ROCK2: variants seen among roughly 807,000 people sequenced by gnomAD.
ROCK2 encodes rho-associated protein kinase 2.
ROCK2 carries 61 observed loss-of-function variants against 195.1 expected under a neutral mutation model. The observed-to-expected ratio is 0.31, with a 90% CI of 0.25 to 0.39. The LOEUF is 0.39. ROCK2 is among the 10% of genes least tolerant of loss of function. ROCK2 has a pLI of 1.00. For missense variants in ROCK2, 1,109 were observed against 1,637.4 expected (o/e 0.68, Z 5.57); for synonymous variants, 504 against 545.5 (o/e 0.92, Z 1.06).
Position 11,341,209 on chromosome 2 carries a change from G to A in ROCK2, c.141+2787C>T, listed in dbSNP as rs1381839525. Among the ~76,000 whole-genome samples the A allele has an allele frequency of 2.0e-5, 3 of 152,154 alleles. 1 individual carries two copies. Among genetic ancestry groups the A allele is most frequent in the African/African-American group, 7.2e-5 (3 of 41,450 alleles). On this transcript the variant is annotated intron_variant, in intron 1 of 32. Coordinates refer to ENST00000315872, the MANE Select transcript of ROCK2 (RefSeq NM_004850.5). ...GACCCACATAAAGCCATGAGCCTTT[G>A]CAGAGAAACAAGATGTCATCTTTAC...
chr2:11,229,700 AT>A, intron 5 of ROCK2, among the ~76,000 whole-genome samples: 1 of 152,162 alleles, frequency 6.6e-6, no homozygotes, highest in South Asian at 2.1e-4. Context: ...AAGAAACAAA[AT>A]AAACTAAGTA....
In ROCK2 at chr2:11,208,305, T is replaced by C; in HGVS notation, c.2346A>G (p.Lys782=). 1.4e-6 allele frequency: 2 copies of C among 1,454,450 alleles called. No individual in the cohort carries two copies. Among genetic ancestry groups the C allele is most frequent in the East Asian group, 4.9e-5 (2 of 41,080 alleles). The allele number at this position is 1,454,450 out of a possible 1,614,324, so 90.1% of individuals were successfully genotyped here. ...QQKINELLKQ[K]DVLNEDVRNL... ...TACTTACATCCTCATTTAGCACATC[T>C]TTCTGTTTAAGGAGCTCATTTATTT... is the stretch of plus-strand genomic sequence containing the variant. Residue 782 remains lysine, a synonymous_variant, in exon 19 of 33, where the codon AAA becomes AAG. Coordinates refer to ENST00000315872, the MANE Select transcript of ROCK2 (RefSeq NM_004850.5).
At position 11,216,143 on chromosome 2, in the gene ROCK2, G is replaced by T; in HGVS notation, c.1461+15C>A. 1 of 1,606,682 alleles carries T rather than the reference G, an allele frequency of 6.2e-7. No individual in the cohort carries two copies. The highest frequency in any genetic ancestry group is 8.5e-7 in the Non-Finnish European group (1 of 1,173,506). The stretch of plus-strand genomic sequence containing the variant: ...TACTAACAAAAATGTTAATAAAAAA[G>T]TGGGGCAACTTTACCTCCTCTTCTA... On this transcript the variant is annotated intron_variant, in intron 13 of 32. Coordinates refer to ENST00000315872, the MANE Select transcript of ROCK2 (RefSeq NM_004850.5).
chr2:11,294,009 T>C (rs978723784), intron 1 of ROCK2, among the ~76,000 whole-genome samples: 2 of 151,910 alleles, frequency 1.3e-5, no homozygotes, highest in Admixed American at 1.3e-4. Context: ...TACAAAAAAT[T>C]AGCCAGGCAT....
intron 6 of ROCK2, among the ~76,000 whole-genome samples, chr2:11,225,235 AC>A: frequency 6.6e-6 from 1 of 152,238 alleles, no homozygotes; most frequent in African/African-American, 2.4e-5. Context: ...TGTTGAAGGC[AC>A]CATTTTGGCC....
At chr2:11,331,068 AAAT>A (rs1319004709) in intron 1 of ROCK2, among the ~76,000 whole-genome samples, 140 of 150,316 alleles carry the variant, frequency 9.3e-4, no homozygotes, top group African/African-American at 2.9e-3. Context: ...GAAGAAGAAG[AAAT>A]AATATTTTCT....
At chr2:11,327,135 C>T (rs1668573799) in intron 1 of ROCK2, among the ~76,000 whole-genome samples, 1 of 152,006 alleles carries the variant, frequency 6.6e-6, no homozygotes, top group African/African-American at 2.4e-5. Context: ...ACAAACTGAT[C>T]CAGAACTTAG....
chr2:11,218,903 G>T, intron 10 of ROCK2, 63 bp downstream of exon 10: 1 of 931,586 alleles, frequency 1.1e-6, no homozygotes, highest in Non-Finnish European at 1.6e-6. Flanking sequence ...TAAAAACATG[G>T]GGATTACTAA....
chr2:11,259,006 C>T (rs754721771), intron 3 of ROCK2, among the ~76,000 whole-genome samples: 17 of 151,158 alleles, frequency 1.1e-4, no homozygotes, highest in Admixed American at 3.3e-4. Context: ...TATGAGGGGA[C>T]TGCATGTGCC....
intron 1 of ROCK2, among the ~76,000 whole-genome samples, chr2:11,317,589 TA>T (rs1668243068): frequency 7.5e-5 from 1 of 13,302 alleles, no homozygotes; most frequent in African/African-American, 2.4e-4. Context: ...TATATATATA[TA>T]TATATATATA....
intron 1 of ROCK2, among the ~76,000 whole-genome samples, chr2:11,304,669 C>CT (rs1667800311): frequency 6.6e-6 from 1 of 152,206 alleles, no homozygotes; most frequent in African/African-American, 2.4e-5. Flanking sequence ...AATTCCCAGC[C>CT]TTTGAGTCTA....
At chr2:11,291,897 C>T (rs1667373669) in intron 1 of ROCK2, among the ~76,000 whole-genome samples, 1 of 152,078 alleles carries the variant, frequency 6.6e-6, no homozygotes, top group Admixed American at 6.6e-5. Context: ...AAAGGAACAA[C>T]CATTTTTTTG....
At chr2:11,193,923 T>C in intron 29 of ROCK2, 66 bp from the exon 30 acceptor site, 1 of 842,914 alleles carries the variant, frequency 1.2e-6, no homozygotes, top group African/African-American at 1.7e-5. Context: ...TTAATTATTC[T>C]ATACTTACAT....
At chr2:11,317,674 G>C (rs1425856157) in intron 1 of ROCK2, among the ~76,000 whole-genome samples, 1 of 129,088 alleles carries the variant, frequency 7.7e-6, no homozygotes, top group Non-Finnish European at 1.6e-5. Context: ...GTGCAGGCTT[G>C]TTACATATGT....
rs1427711888 is a variant in ROCK2 at position 11,192,473 on chromosome 2, C to T, written c.3927G>A (p.Glu1309=). Residue 1309 remains glutamate (E), a synonymous_variant, in exon 31 of 33, where the codon GAG becomes GAA. Transcript: ENST00000315872. This position sits in a 1 kb window ranked among gnomAD's most constrained non-coding sequence, Gnocchi z 5.0. ...TACCTTTGCAAGGTGCTATAATCTC[C>T]TCCTTTTTGTCCATATGATCTTTAT... The part of the protein sequence containing the change: ...KCHKDHMDKK[E]EIIAPCKVYY... The T allele has an allele frequency of 6.2e-7, 1 of 1,614,128 alleles. No individual in the cohort carries two copies. Among genetic ancestry groups the T allele is most frequent in the East Asian group, 2.2e-5 (1 of 44,886 alleles).
rs1663721832 is a variant in ROCK2, at chr2:11,198,472, T to G, written c.3099+19A>C. On this transcript the variant is annotated intron_variant, in intron 25 of 32. Transcript: ENST00000315872. ...CTGAGACAAAATTCAAAATCATATTTAGATTCTATTATACATACTTGAGTT... is the reference window on the plus strand; with the variant it reads ...CTGAGACAAAATTCAAAATCATATTGAGATTCTATTATACATACTTGAGTT... 1 of 1,505,682 alleles carries G rather than the reference T, an allele frequency of 6.6e-7. No individual in the cohort carries two copies. The highest frequency in any genetic ancestry group is 1.2e-5 in the South Asian group (1 of 86,428). 93.3% of individuals were successfully genotyped at this position (1,505,682 alleles called of 1,614,324 possible). A position where few individuals can be genotyped will look rare whatever the true frequency, so the allele number is the denominator to read the frequency against.
intron 1 of ROCK2, among the ~76,000 whole-genome samples, chr2:11,335,150 G>C (rs113454525): frequency 7.6e-4 from 83 of 108,716 alleles, no homozygotes; most frequent in African/African-American, 1.1e-3. Flanking sequence ...CACACACACA[G>C]ACACACACAC....
At chr2:11,269,754 G>C (rs1666559233) in intron 3 of ROCK2, among the ~76,000 whole-genome samples, 1 of 152,006 alleles carries the variant, frequency 6.6e-6, no homozygotes, top group Non-Finnish European at 1.5e-5. Context: ...TTGTGTTTGT[G>C]TGCTTTTTCA....
At chr2:11,317,907 T>G (rs1050539918) in intron 1 of ROCK2, among the ~76,000 whole-genome samples, 2 of 151,816 alleles carry the variant, frequency 1.3e-5, no homozygotes, top group Non-Finnish European at 2.9e-5. Context: ...AGAATGATGG[T>G]TCCCAGCTTC....
Sources: allele counts gnomAD v4.1 joint callset (sites outside exome capture counted in the v4.1 genomes callset), GRCh38; gene constraint gnomAD v4.1.1; non-coding constraint Gnocchi (gnomAD v3.1); transcripts MANE v1.5; gene names NCBI Gene and HGNC (gene_info 2026-07-23, HGNC 2026-07-21).